The following TTC3 variants were observed in gnomAD, a reference collection of about 807,000 sequenced individuals.
TTC3 encodes the protein E3 ubiquitin-protein ligase TTC3.
TTC3 carries 180 observed loss-of-function variants against 249.6 expected under a neutral mutation model. The observed-to-expected ratio is 0.72, with a 90% CI of 0.64 to 0.82. The LOEUF is 0.82. TTC3 is among the 40% of genes least tolerant of loss of function. The probability of loss-of-function intolerance (pLI) is 0.00; values close to 1 mark genes in which losing one functional copy is unlikely to be tolerated. For synonymous variants in TTC3, 717 were observed against 805.0 expected (o/e 0.89, Z 1.85); for missense variants, 2,061 against 2,398.4 (o/e 0.86, Z 2.94).
At chr21:37,119,883 ATC>A (rs761882521) in intron 11 of TTC3, among the ~76,000 whole-genome samples, 19 of 152,300 alleles carry the variant, frequency 1.2e-4, no homozygotes, top group Non-Finnish European at 2.6e-4. Context: ...ATGTAGTGGG[ATC>A]TGCAAACTGA....
At chr21:37,197,842 C>G in intron 43 of TTC3, 40 bp from the exon 44 acceptor site, 1 of 1,588,778 alleles carries the variant, frequency 6.3e-7, no homozygotes, top group Non-Finnish European at 8.5e-7. Context: ...CTGGTTGCTT[C>G]CCTCTTGTCC....
intron 11 of TTC3, among the ~76,000 whole-genome samples, chr21:37,117,418 C>A (rs1311211590): frequency 1.3e-5 from 2 of 152,070 alleles, no homozygotes; most frequent in Non-Finnish European, 2.9e-5. Context: ...CATTCTTTTG[C>A]TTGAAACAAA....
chr21:37,088,280 G>C (rs1475272758), exon 4 of TTC3: 1 of 1,613,222 alleles, frequency 6.2e-7, no homozygotes. Flanking sequence ...AACATCTTCT[G>C]GCCACTTCTG....
chr21:37,137,902 A>G (rs2078100157), intron 18 of TTC3, among the ~76,000 whole-genome samples: 1 of 152,180 alleles, frequency 6.6e-6, no homozygotes, highest in Non-Finnish European at 1.5e-5. Context: ...ACCAACAAAA[A>G]GATTATGACT....
chr21:37,146,697 G>GT (rs2079014644), intron 21 of TTC3, among the ~76,000 whole-genome samples: 1 of 152,158 alleles, frequency 6.6e-6, no homozygotes, highest in Non-Finnish European at 1.5e-5. Flanking sequence ...GGCCTGGAAG[G>GT]TTAGGGGAAA....
chr21:37,124,608 C>G lies in TTC3; in HGVS notation c.1110-11C>G, dbSNP rs867919665. 6.2e-7 allele frequency: 1 copy of G among 1,600,530 alleles called. No homozygotes were observed. ...AAAAATGTATAATAATTCCTTTTTTCCCCCACTTAGGGCCTACACACCTAG... is the reference window on the plus strand; with the variant it reads ...AAAAATGTATAATAATTCCTTTTTTGCCCCACTTAGGGCCTACACACCTAG... On this transcript the variant is annotated splice_polypyrimidine_tract_variant and intron_variant, in intron 13 of 45. Coordinates refer to ENST00000355666, the Ensembl canonical transcript of TTC3.
intron 11 of TTC3, among the ~76,000 whole-genome samples, chr21:37,119,133 G>A (rs1437813260): frequency 6.6e-6 from 1 of 152,092 alleles, no homozygotes; most frequent in Non-Finnish European, 1.5e-5. Flanking sequence ...GGATATTCTT[G>A]TTTTTCTTTA....
At chr21:37,197,051 C>T (rs1227629763) in intron 42 of TTC3, among the ~76,000 whole-genome samples, 5 of 152,158 alleles carry the variant, frequency 3.3e-5, no homozygotes, top group Admixed American at 2.0e-4. Flanking sequence ...AAGTGCAGCT[C>T]GGATCAAAGG....
At chr21:37,195,321 C>CA (rs2084762038) in intron 41 of TTC3, among the ~76,000 whole-genome samples, 2 of 152,056 alleles carry the variant, frequency 1.3e-5, no homozygotes. Flanking sequence ...GTGTGGTGGC[C>CA]ATGATGTTCC....
chr21:37,133,639 A>G (rs750437917), intron 17 of TTC3, among the ~76,000 whole-genome samples: 4 of 152,202 alleles, frequency 2.6e-5, no homozygotes, highest in Non-Finnish European at 5.9e-5. Context: ...GATTGGGTGC[A>G]CAGTGATATG....
intron 4 of TTC3, 86 bp from the exon 5 acceptor site, chr21:37,088,713 G>T: frequency 1.6e-6 from 2 of 1,218,108 alleles, no homozygotes; most frequent in Non-Finnish European, 1.1e-6. Context: ...ATTTTTTAAT[G>T]GTTTGAGATA....
intron 11 of TTC3, among the ~76,000 whole-genome samples, chr21:37,114,235 A>G (rs956912531): frequency 6.6e-6 from 1 of 152,118 alleles, no homozygotes; most frequent in Non-Finnish European, 1.5e-5. Flanking sequence ...AGAAACTACC[A>G]TCAGAGTGAA....
exon 28 of TTC3, chr21:37,156,768 A>T (rs367863548): frequency 3.1e-6 from 5 of 1,613,976 alleles, no homozygotes; most frequent in Middle Eastern, 1.6e-4. Context: ...ACTAGACTCT[A>T]TAGAAGGAAA....
chr21:37,181,486 A>G (rs2082754941), intron 35 of TTC3, among the ~76,000 whole-genome samples: 1 of 152,260 alleles, frequency 6.6e-6, no homozygotes, highest in Admixed American at 6.5e-5. Context: ...TAGAGTAGGC[A>G]TGGTGGTCAC....
At chr21:37,134,519 A>C (rs759342737) in intron 17 of TTC3, among the ~76,000 whole-genome samples, 3 of 151,900 alleles carry the variant, frequency 2.0e-5, no homozygotes, top group Non-Finnish European at 4.4e-5. Context: ...TGATTTGTGC[A>C]GTGGGGCCTC....
At chr21:37,125,809 CAT>C (rs2076996981) in intron 14 of TTC3, among the ~76,000 whole-genome samples, 1 of 152,024 alleles carries the variant, frequency 6.6e-6, no homozygotes, top group African/African-American at 2.4e-5. Flanking sequence ...TTAATTCAAA[CAT>C]TATTGAACAA....
At chr21:37,157,297 T>G in intron 28 of TTC3, 1 of 825,420 alleles carries the variant, frequency 1.2e-6, no homozygotes, top group Non-Finnish European at 1.8e-6. Context: ...ATGGATAGCA[T>G]TCTAGGATGT....
exon 19 of TTC3, chr21:37,138,670 G>A (rs1481898353): frequency 7.4e-6 from 12 of 1,612,326 alleles, no homozygotes; most frequent in African/African-American, 4.0e-5. Context: ...TGTTTTGGTC[G>A]TCTATGGACT....
intron 11 of TTC3, among the ~76,000 whole-genome samples, chr21:37,116,810 A>C (rs2076179287): frequency 6.6e-6 from 1 of 152,038 alleles, no homozygotes; most frequent in Non-Finnish European, 1.5e-5. Context: ...CCATCTAAAA[A>C]ATAAAAAAAT....
Sources: gnomAD v4.1 joint callset for allele counts (sites outside exome capture counted in the v4.1 genomes callset) on GRCh38, gnomAD v4.1.1 for gene constraint, MANE v1.5 for transcripts, NCBI Gene and HGNC (gene_info 2026-07-23, HGNC 2026-07-21) for gene names.